TSPAN9: variants seen among roughly 807,000 people sequenced by gnomAD.
TSPAN9 encodes tetraspanin-9.
In TSPAN9, 16 loss-of-function variants were observed where a neutral mutation model predicts 31.0. The ratio of observed to expected loss-of-function variants is 0.52; its 90% confidence interval spans 0.35 to 0.78. The LOEUF is 0.78. TSPAN9 is among the 30% of genes least tolerant of loss of function. TSPAN9 has a pLI of 0.01. For missense variants in TSPAN9, 272 were observed against 312.5 expected, an observed-to-expected ratio of 0.87 and a Z score of 0.98; for synonymous variants, 145 against 121.6, an observed-to-expected ratio of 1.19 and a Z score of -1.27.
chr12:3,219,757 T>C (rs1036277335), intron 3 of TSPAN9, among the ~76,000 whole-genome samples: 2 of 150,390 alleles, frequency 1.3e-5, no homozygotes, highest in Admixed American at 6.6e-5. Flanking sequence ...ATACCTAATG[T>C]AGATGATGGG....
chr12:3,110,946 G>C (rs1029082534), intron 2 of TSPAN9, among the ~76,000 whole-genome samples: 1 of 152,300 alleles, frequency 6.6e-6, no homozygotes, highest in South Asian at 2.1e-4. Flanking sequence ...ATCCAGTTTA[G>C]AAAGGAAGCA....
intron 3 of TSPAN9, among the ~76,000 whole-genome samples, chr12:3,265,642 C>T (rs1283441898): frequency 3.3e-5 from 5 of 152,208 alleles, no homozygotes; most frequent in Non-Finnish European, 4.4e-5. Context: ...TGTGGCCGTG[C>T]GCCCCCTCCT....
chr12:3,179,096 C>T (rs114353095), intron 2 of TSPAN9, among the ~76,000 whole-genome samples: 2 of 152,276 alleles, frequency 1.3e-5, no homozygotes, highest in African/African-American at 4.8e-5. Context: ...TGGCATTAGA[C>T]AGGAACTATC....
intron 2 of TSPAN9, among the ~76,000 whole-genome samples, chr12:3,141,257 T>A (rs534306200): frequency 1.7e-4 from 26 of 152,204 alleles, no homozygotes; most frequent in Admixed American, 1.6e-3. Context: ...ACCTTCTTCC[T>A]CCCTCAGCTT....
chr12:3,237,892 A>G (rs1224644065), intron 3 of TSPAN9, among the ~76,000 whole-genome samples: 1 of 152,158 alleles, frequency 6.6e-6, no homozygotes, highest in African/African-American at 2.4e-5. Context: ...GAATTTTGCA[A>G]ACAACCTTCT....
At chr12:3,270,440 A>C (rs189308181) in intron 3 of TSPAN9, among the ~76,000 whole-genome samples, 1 of 152,292 alleles carries the variant, frequency 6.6e-6, no homozygotes, top group Non-Finnish European at 1.5e-5. Flanking sequence ...TCTCTCACCC[A>C]TGCCTTCATC....
Position 3,147,433 on chromosome 12 carries a change from G to C in TSPAN9, c.-17-53744G>C, listed in dbSNP as rs1362122632. ...TGGTGGTGGGCATGCTGCAGCCTGAGTCCTGGTGGCATCTCCACCGACGCG... is the reference window on the plus strand; with the variant it reads ...TGGTGGTGGGCATGCTGCAGCCTGACTCCTGGTGGCATCTCCACCGACGCG... On this transcript the variant is annotated intron_variant, in intron 2 of 8. Coordinates refer to ENST00000011898, the MANE Select transcript of TSPAN9 (RefSeq NM_006675.5). This position sits in a 1 kb window ranked among gnomAD's most constrained non-coding sequence, Gnocchi z 4.3. 6.6e-6 allele frequency among the ~76,000 whole-genome samples: 1 copy of C among 152,200 alleles called. No homozygotes were observed. Among genetic ancestry groups the C allele is most frequent in the East Asian group, 1.9e-4 (1 of 5,190 alleles).
At chr12:3,198,050 G>C (rs1483997838) in intron 2 of TSPAN9, among the ~76,000 whole-genome samples, 1 of 42,046 alleles carries the variant, frequency 2.4e-5, no homozygotes, top group African/African-American at 9.2e-5. Context: ...ACCAGCACAG[G>C]TCACCAGCAC....
chr12:3,257,771 A>AGGGGG (rs1306998010), intron 3 of TSPAN9, among the ~76,000 whole-genome samples: 1 of 12,872 alleles, frequency 7.8e-5, no homozygotes, highest in South Asian at 3.8e-3. Flanking sequence ...TTTGGGCGGG[A>AGGGGG]GGGGTAGGGG....
rs117709698 is a variant in TSPAN9, at chr12:3,168,333, T to C, written c.-17-32844T>C. Among the ~76,000 whole-genome samples the C allele has an allele frequency of 4.4e-3, 675 of 152,378 alleles. 3 individuals carry two copies. Among genetic ancestry groups the C allele is most frequent in the Non-Finnish European group, 8.1e-3 (553 of 68,042 alleles). Reference sequence around the variant, plus strand: ...CTCTAGCGCTCGTCTTTTTGCTTCCTTCAATTCAAGACCCAGAGGGGAGCC... The same window carrying C: ...CTCTAGCGCTCGTCTTTTTGCTTCCCTCAATTCAAGACCCAGAGGGGAGCC... On this transcript the variant is annotated intron_variant, in intron 2 of 8. Coordinates refer to ENST00000011898, the MANE Select transcript of TSPAN9 (RefSeq NM_006675.5). This position sits in a 1 kb window ranked among gnomAD's most constrained non-coding sequence, Gnocchi z 4.0.
intron 3 of TSPAN9, among the ~76,000 whole-genome samples, chr12:3,210,173 C>T (rs1464663171): frequency 6.6e-6 from 1 of 151,756 alleles, no homozygotes; most frequent in Admixed American, 6.6e-5. Context: ...AAGCATGAAG[C>T]AGTTCCATGG....
chr12:3,184,013 G>T (rs2098359792), intron 2 of TSPAN9, among the ~76,000 whole-genome samples: 1 of 152,100 alleles, frequency 6.6e-6, no homozygotes, highest in Admixed American at 6.6e-5. Flanking sequence ...GAAGGGTCTG[G>T]ATTGATTGAA....
intron 2 of TSPAN9, among the ~76,000 whole-genome samples, chr12:3,161,221 C>CAAA (rs34492632): frequency 2.4e-4 from 36 of 148,646 alleles, no homozygotes; most frequent in African/African-American, 9.0e-4. Context: ...AACTCGGTCT[C>CAAA]AAAAAAAAAA....
intron 2 of TSPAN9, among the ~76,000 whole-genome samples, chr12:3,118,256 G>GTTTTTTTTTTTTTT (rs72307230): frequency 0.08 from 2,521 of 31,406 alleles, 937 homozygotes; most frequent in South Asian, 0.13. Context: ...TGCACCCGCC[G>GTTTTTTTTTTTTTT]TTTTTTTTTT....
At chr12:3,124,318 G>T (rs2098326401) in intron 2 of TSPAN9, among the ~76,000 whole-genome samples, 1 of 152,078 alleles carries the variant, frequency 6.6e-6, no homozygotes, top group Non-Finnish European at 1.5e-5. Flanking sequence ...CTGTTCTTTG[G>T]AGTTTATACC....
rs550585331 is a variant in TSPAN9, at chr12:3,109,148, G to A, written c.-18+25429G>A. Reference sequence around the variant, plus strand: ...GACGGGGGTTTCACCGTGTTAGCCAGGATGGTCTCGATCTCCTGACCTCGT... The same window carrying A: ...GACGGGGGTTTCACCGTGTTAGCCAAGATGGTCTCGATCTCCTGACCTCGT... On this transcript the variant is annotated intron_variant, in intron 2 of 8. Transcript: ENST00000011898. Among the ~76,000 whole-genome samples the A allele has an allele frequency of 3.3e-5, 5 of 152,036 alleles. No homozygotes were observed. In the South Asian group the frequency reaches 6.2e-4, roughly 19 times the overall value.
intron 7 of TSPAN9, 26 bp from the exon 8 acceptor site, chr12:3,281,708 C>T (rs1862898894): frequency 6.2e-7 from 1 of 1,605,716 alleles, no homozygotes; most frequent in South Asian, 1.1e-5. Flanking sequence ...GGCTGGGACC[C>T]TAACCTCGTG....
chr12:3,152,179 G>GT (rs2098340087), intron 2 of TSPAN9, among the ~76,000 whole-genome samples: 1 of 152,146 alleles, frequency 6.6e-6, no homozygotes, highest in African/African-American at 2.4e-5. Flanking sequence ...GTTTTCCAAG[G>GT]CACCCCCCTC....
intron 2 of TSPAN9, among the ~76,000 whole-genome samples, chr12:3,183,011 T>G (rs1413998316): frequency 6.6e-6 from 1 of 152,202 alleles, no homozygotes; most frequent in Admixed American, 6.5e-5. Flanking sequence ...GGGGATCTGC[T>G]CTGTCGGCTT....
Sources: allele counts gnomAD v4.1 joint callset (sites outside exome capture counted in the v4.1 genomes callset), GRCh38; gene constraint gnomAD v4.1.1; non-coding constraint Gnocchi (gnomAD v3.1); transcripts MANE v1.5; gene names NCBI Gene and HGNC (gene_info 2026-07-23, HGNC 2026-07-21).